The following CC2D1B variants were observed in gnomAD, a reference collection of about 807,000 sequenced individuals.
The protein encoded by CC2D1B is coiled-coil and C2 domain-containing protein 1B.
In CC2D1B, 92 loss-of-function variants were observed where a neutral mutation model predicts 110.8. The ratio of observed to expected loss-of-function variants is 0.83; its 90% confidence interval spans 0.70 to 0.99. The LOEUF is 0.99. Ranked by LOEUF, CC2D1B falls within the 50% of genes least tolerant of loss-of-function variation. The pLI is 0.00. For synonymous variants in CC2D1B, 406 were observed against 429.2 expected, an observed-to-expected ratio of 0.95 and a Z score of 0.67; for missense variants, 1,136 against 1,089.0, an observed-to-expected ratio of 1.04 and a Z score of -0.61.
chr1:52,360,400 T>C (rs1646753697), intron 6 of CC2D1B, 24 bp downstream of exon 6: 11 of 1,611,614 alleles, frequency 6.8e-6, no homozygotes, highest in Non-Finnish European at 8.5e-6. Flanking sequence ...TCCCCTGCCC[T>C]GCTCCCAGCC....
intron 1 of CC2D1B, among the ~76,000 whole-genome samples, chr1:52,365,453 G>C (rs754136907): frequency 1.3e-5 from 2 of 152,268 alleles, no homozygotes; most frequent in African/African-American, 2.4e-5. Flanking sequence ...CAAGACGAGG[G>C]AACACTTGAC....
chr1:52,353,864 A>G (rs1646582212), intron 23 of CC2D1B: 1 of 488,326 alleles, frequency 2.0e-6, no homozygotes, highest in South Asian at 2.8e-5. Context: ...AAATAAATCC[A>G]GACAAGCATC....
Position 52,356,220 on chromosome 1 carries a change from G to C in CC2D1B, c.2020C>G (p.His674Asp), listed in dbSNP as rs141717834. The C allele has an allele frequency of 3.1e-6, 5 of 1,613,838 alleles. No individual in the cohort carries two copies. The highest frequency in any genetic ancestry group is 4.2e-6 in the Non-Finnish European group (5 of 1,179,740). ...AQAQGLDPPTHHFELKTFQTV... is the reference protein window; with the variant it reads ...AQAQGLDPPTDHFELKTFQTV... ...TGGAATGTCTTCAACTCAAAGTGGTGGGTGGGAGGGTCGAGGCCCTGAGCC... is the reference window on the plus strand; with the variant it reads ...TGGAATGTCTTCAACTCAAAGTGGTCGGTGGGAGGGTCGAGGCCCTGAGCC... Residue 674 changes from histidine (H) to aspartate (D), a missense_variant, in exon 18 of 25, where the codon CAC (histidine) becomes GAC (aspartate). By Grantham distance (81) the His-to-Asp change is moderately conservative. Coordinates refer to ENST00000284376, the MANE Select transcript of CC2D1B (RefSeq NM_001330585.2).
intron 24 of CC2D1B, 72 bp from the exon 25 acceptor site, chr1:52,353,295 T>G: frequency 6.8e-7 from 1 of 1,472,642 alleles, no homozygotes; most frequent in Middle Eastern, 1.8e-4. Flanking sequence ...AGAAAGGGTT[T>G]CCTGAAGATA....
chr1:52,363,264 G>A (rs1028640204), intron 2 of CC2D1B, among the ~76,000 whole-genome samples: 19 of 151,996 alleles, frequency 1.3e-4, no homozygotes, highest in Admixed American at 7.9e-4. Flanking sequence ...GCGCGGTGGC[G>A]GGCGCCTGTA....
At chr1:52,358,917 A>G in intron 11 of CC2D1B, 110 bp downstream of exon 11, 1 of 1,509,498 alleles carries the variant, frequency 6.6e-7, no homozygotes, top group East Asian at 2.3e-5. Context: ...CAGAGAGACA[A>G]ACAGATGATG....
chr1:52,365,793 G>C (rs1198964112), intron 1 of CC2D1B, among the ~76,000 whole-genome samples: 2 of 152,332 alleles, frequency 1.3e-5, no homozygotes, highest in Non-Finnish European at 1.5e-5. Flanking sequence ...GCGGGGAGCG[G>C]GCGGAGGAGC....
rs760223731 is a variant in CC2D1B at position 52,351,332 on chromosome 1, A to G, written c.*1893T>C. On this transcript the variant is annotated 3_prime_UTR_variant, in exon 25 of 25. Transcript: ENST00000284376. ...ATTTCCAACAGAGGCCTGAATTTAG[A>G]AACTCCTAGAGCTGGCTGGAACTTT... 6 of 152,186 alleles carry G rather than the reference A, an allele frequency of 3.9e-5. No individual in the cohort carries two copies. Among genetic ancestry groups the G allele is most frequent in the Non-Finnish European group, 8.8e-5 (6 of 68,034 alleles). The allele number at this position is 152,186 out of a possible 1,614,324, so 9.4% of individuals were successfully genotyped here.
intron 20 of CC2D1B, 45 bp downstream of exon 20, chr1:52,355,563 A>C: frequency 6.2e-7 from 1 of 1,612,036 alleles, no homozygotes; most frequent in Non-Finnish European, 8.5e-7. Flanking sequence ...GGGTCCTGGA[A>C]TGCAAGGCGG....
At chr1:52,356,117 T>C in intron 18 of CC2D1B, 69 bp downstream of exon 18, 1 of 1,366,228 alleles carries the variant, frequency 7.3e-7, no homozygotes. Context: ...GGGGTAGCAG[T>C]CTCTGGCCTG....
chr1:52,363,161 G>A (rs1028731930), intron 2 of CC2D1B, among the ~76,000 whole-genome samples: 40 of 152,134 alleles, frequency 2.6e-4, no homozygotes, highest in African/African-American at 9.7e-4. Flanking sequence ...TTGGGAGGCC[G>A]AGGCGGGTGG....
In CC2D1B at chr1:52,364,601, G is replaced by A. The variant is rs748374613; in HGVS notation, c.20C>T (p.Pro7Leu). 1 of 1,607,788 alleles carries A rather than the reference G, an allele frequency of 6.2e-7. No individual in the cohort carries two copies. The highest frequency in any genetic ancestry group is 1.1e-5 in the South Asian group (1 of 90,594). ...GCCTCTGGCCTGAGGGCCCTTCCGAGGTCTTGGCCCTGGCATCATGGCAGC... is the reference window on the plus strand; with the variant it reads ...GCCTCTGGCCTGAGGGCCCTTCCGAAGTCTTGGCCCTGGCATCATGGCAGC... Reference protein sequence around the residue: MMPGPRPRKGPQARGQG... With the variant: MMPGPRLRKGPQARGQG... Residue 7 changes from proline to leucine, a missense_variant, in exon 2 of 25, where the codon CCT becomes CTT. Pro to Leu is a moderately conservative substitution (Grantham distance 98). Coordinates refer to ENST00000284376, the MANE Select transcript of CC2D1B (RefSeq NM_001330585.2).
chr1:52,363,252 G>A (rs529442452), intron 2 of CC2D1B, among the ~76,000 whole-genome samples: 9 of 151,982 alleles, frequency 5.9e-5, no homozygotes, highest in African/African-American at 1.7e-4. Flanking sequence ...AAAATTAGCC[G>A]GGCGCGGTGG....
chr1:52,357,484 C>G lies in CC2D1B; in HGVS notation c.1752+42G>C, dbSNP rs1188554278. The G allele has an allele frequency of 3.3e-6, 5 of 1,538,228 alleles. No homozygotes were observed. In the African/African-American group the frequency reaches 4.1e-5, roughly 13 times the overall value. ...GCCTGTCAAGCCTGCCAGCCGCCACCTCCGCCTGAGAAGTCCTGGTGGTTA... is the reference window on the plus strand; with the variant it reads ...GCCTGTCAAGCCTGCCAGCCGCCACGTCCGCCTGAGAAGTCCTGGTGGTTA... On this transcript the variant is annotated intron_variant, in intron 15 of 24. Coordinates refer to ENST00000284376, the MANE Select transcript of CC2D1B (RefSeq NM_001330585.2).
chr1:52,354,967 G>T, intron 21 of CC2D1B, 28 bp from the exon 22 acceptor site: 1 of 1,574,930 alleles, frequency 6.3e-7, no homozygotes, highest in Non-Finnish European at 8.7e-7. Flanking sequence ...AGCAAGGAGG[G>T]GCTTGGCTCT....
Position 52,356,384 on chromosome 1 carries a change from C to T in CC2D1B, c.1937G>A (p.Arg646Gln), listed in dbSNP as rs142476933. ...MHQGNVAETT[R>Q]FEKLAQDRKK... Reference sequence around the variant, plus strand: ...GCCCAGCCCCAGCCCTTGCACTTACCGGGTGGTCTCAGCCACGTTGCCCTG... The same window carrying T: ...GCCCAGCCCCAGCCCTTGCACTTACTGGGTGGTCTCAGCCACGTTGCCCTG... Residue 646 changes from arginine (R) to glutamine (Q), a missense_variant and splice_region_variant, in exon 17 of 25, where the codon CGA becomes CAA. Coordinates refer to ENST00000284376, the MANE Select transcript of CC2D1B (RefSeq NM_001330585.2). 2.0e-4 allele frequency: 317 copies of T among 1,614,092 alleles called. No individual in the cohort carries two copies. Among genetic ancestry groups the T allele is most frequent in the African/African-American group, 2.7e-4 (20 of 74,924 alleles).
chr1:52,357,805 A>C lies in CC2D1B; in HGVS notation c.1555T>G (p.Ser519Ala). The C allele has an allele frequency of 6.3e-7, 1 of 1,591,604 alleles. No homozygotes were observed. Among genetic ancestry groups the C allele is most frequent in the Non-Finnish European group, 8.6e-7 (1 of 1,169,408 alleles). The stretch of plus-strand genomic sequence containing the variant: ...CCAGATGGACTCGGTGACTCCTTAG[A>C]ACTTGAGGCCCTGGGCTCAGGCAGG... ...QRLPEPRASSSKESPSPSVRE... is the reference protein window; with the variant it reads ...QRLPEPRASSAKESPSPSVRE... The change falls in exon 14 of 25, where the codon TCT becomes GCT. Residue 519 changes from serine to alanine, a missense_variant. Transcript: ENST00000284376.
intron 13 of CC2D1B, 38 bp from the exon 14 acceptor site, chr1:52,357,936 TC>T: frequency 6.6e-7 from 1 of 1,523,426 alleles, no homozygotes; most frequent in Non-Finnish European, 8.8e-7. Flanking sequence ...GGGGATGTGT[TC>T]CCTAGCATAG....
chr1:52,360,372 G>C (rs368344094), intron 6 of CC2D1B, 52 bp downstream of exon 6: 1 of 1,601,486 alleles, frequency 6.2e-7, no homozygotes, highest in East Asian at 2.2e-5. Context: ...TCCACCAGCC[G>C]CCTTTCATGC....
Sources: gnomAD v4.1 joint callset for allele counts (sites outside exome capture counted in the v4.1 genomes callset) on GRCh38, gnomAD v4.1.1 for gene constraint, MANE v1.5 for transcripts, NCBI Gene and HGNC (gene_info 2026-07-23, HGNC 2026-07-21) for gene names.